PDE8B: variants seen among roughly 807,000 people sequenced by gnomAD.
PDE8B encodes phosphodiesterase 8B.
A neutral mutation model predicts 101.3 loss-of-function variants in PDE8B; 26 were observed. The ratio of observed to expected loss-of-function variants is 0.26; its 90% CI spans 0.19 to 0.36. The LOEUF is 0.36. PDE8B is among the 10% of genes least tolerant of loss of function. The pLI is 1.00. For missense variants in PDE8B, 810 were observed against 1,163.1 expected, an observed-to-expected ratio of 0.70 and a Z score of 4.42; for synonymous variants, 424 against 429.3, an observed-to-expected ratio of 0.99 and a Z score of 0.15.
chr5:77,087,805 A>G, the PDE8B span: 1 of 152,390 alleles, frequency 6.6e-6, no homozygotes, highest in Non-Finnish European at 1.5e-5. Flanking sequence ...GGAAGTCCAG[A>G]TATGTAGTGT....
At chr5:77,300,948 A>G (rs1769786425) in intron 1 of PDE8B, among the ~76,000 whole-genome samples, 1 of 152,184 alleles carries the variant, frequency 6.6e-6, no homozygotes, top group Non-Finnish European at 1.5e-5. Context: ...TGCATGGGCT[A>G]CTTACTTTTA....
intron 1 of PDE8B, among the ~76,000 whole-genome samples, chr5:77,220,650 A>T (rs753339961): frequency 6.0e-4 from 92 of 152,380 alleles, no homozygotes; most frequent in Non-Finnish European, 1.1e-3. Context: ...CCCATTATGT[A>T]GCTGGAATAT....
chr5:77,301,727 A>G (rs969616971), intron 1 of PDE8B, among the ~76,000 whole-genome samples: 1 of 152,238 alleles, frequency 6.6e-6, no homozygotes, highest in Non-Finnish European at 1.5e-5. Context: ...CAGACCCTGC[A>G]TGATCTTTGG....
At chr5:77,273,556 G>A (rs758675722) in intron 1 of PDE8B, among the ~76,000 whole-genome samples, 3 of 152,180 alleles carry the variant, frequency 2.0e-5, no homozygotes, top group Non-Finnish European at 2.9e-5. Context: ...GTGAGATGCT[G>A]TAAGAGAGGC....
chr5:77,209,492 T>A (rs1747816409), upstream of PDE8B, among the ~76,000 whole-genome samples: 1 of 152,220 alleles, frequency 6.6e-6, no homozygotes, highest in Non-Finnish European at 1.5e-5. Flanking sequence ...ACCATCTAAT[T>A]TATCTCCCCG....
At chr5:77,347,994 G>A (rs184087308) in intron 7 of PDE8B, among the ~76,000 whole-genome samples, 14 of 152,070 alleles carry the variant, frequency 9.2e-5, no homozygotes, top group African/African-American at 2.4e-5. Flanking sequence ...CCAGGAGGGG[G>A]TCTGGAGATC....
At chr5:77,367,617 G>A (rs1409351467) in intron 10 of PDE8B, among the ~76,000 whole-genome samples, 12 of 144,336 alleles carry the variant, frequency 8.3e-5, no homozygotes, top group Non-Finnish European at 1.6e-4. Context: ...TGCAACCTCC[G>A]ACTCCCGGGT....
At chr5:77,353,938 A>G (rs1781621062) in intron 10 of PDE8B, among the ~76,000 whole-genome samples, 1 of 152,112 alleles carries the variant, frequency 6.6e-6, no homozygotes, top group African/African-American at 2.4e-5. Flanking sequence ...TGGTGTAGGT[A>G]TTTTTTCTAT....
chr5:77,201,598 G>A, the PDE8B span, among the ~76,000 whole-genome samples: 1 of 152,144 alleles, frequency 6.6e-6, no homozygotes, highest in Non-Finnish European at 1.5e-5. Context: ...TCTCCTGGAA[G>A]TGCTCCCCAA....
chr5:77,149,763 TG>T, the PDE8B span, among the ~76,000 whole-genome samples: 11 of 152,210 alleles, frequency 7.2e-5, no homozygotes, highest in African/African-American at 2.7e-4. Context: ...ATAGATTCCT[TG>T]GTGTTTTCTA....
chr5:77,187,884 G>C, the PDE8B span, among the ~76,000 whole-genome samples: 2 of 152,220 alleles, frequency 1.3e-5, no homozygotes, highest in African/African-American at 4.8e-5. Context: ...TACTCCTTTT[G>C]AGTGAAACTT....
chr5:77,366,552 A>G (rs1784186270), intron 10 of PDE8B, among the ~76,000 whole-genome samples: 1 of 152,138 alleles, frequency 6.6e-6, no homozygotes, highest in Admixed American at 6.5e-5. Context: ...CCACTGCTCC[A>G]CTGCTGTCAG....
intron 5 of PDE8B, among the ~76,000 whole-genome samples, chr5:77,334,851 A>G (rs771678850): frequency 1.3e-5 from 2 of 152,202 alleles, no homozygotes; most frequent in Non-Finnish European, 2.9e-5. Flanking sequence ...CTATTAATAC[A>G]TGGTCCATGA....
chr5:77,134,923 T>G, the PDE8B span, among the ~76,000 whole-genome samples: 2 of 152,170 alleles, frequency 1.3e-5, no homozygotes, highest in Non-Finnish European at 2.9e-5. Flanking sequence ...GGAAAAGAAA[T>G]GGACTGTGGC....
the PDE8B span, among the ~76,000 whole-genome samples, chr5:77,202,779 C>T: frequency 1.3e-5 from 2 of 152,078 alleles, no homozygotes; most frequent in African/African-American, 4.8e-5. Flanking sequence ...GCCACCATGC[C>T]TGGCTAATTT....
At chr5:77,426,207 A>T (rs1798094980) in intron 21 of PDE8B, 2 of 598,116 alleles carry the variant, frequency 3.3e-6, no homozygotes, top group East Asian at 5.7e-5. Flanking sequence ...AAGAATGCAA[A>T]ATGTATTTAG....
chr5:77,169,837 C>T, the PDE8B span, among the ~76,000 whole-genome samples: 22 of 152,086 alleles, frequency 1.4e-4, no homozygotes, highest in Non-Finnish European at 2.9e-4. Context: ...CAAACTGTGC[C>T]GACCCTGTGG....
rs1798299520 is a variant in PDE8B at position 77,427,198 on chromosome 5, G to A, written c.*644G>A. 1 of 152,874 alleles carries A rather than the reference G, an allele frequency of 6.5e-6. No individual in the cohort carries two copies. Among genetic ancestry groups the A allele is most frequent in the African/African-American group, 2.4e-5 (1 of 41,384 alleles). The allele number at this position is 152,874 out of a possible 1,614,324, so 9.5% of individuals were successfully genotyped here. Reference sequence around the variant, plus strand: ...GGCTGGTGGGTGCCCTCTCTAGACTGGTATCAGCAGCCTGTGTAACCCCTT... The same window carrying A: ...GGCTGGTGGGTGCCCTCTCTAGACTAGTATCAGCAGCCTGTGTAACCCCTT... On this transcript the variant is annotated 3_prime_UTR_variant, in exon 22 of 22. Coordinates refer to ENST00000264917, the MANE Select transcript of PDE8B (RefSeq NM_003719.5).
the PDE8B span, among the ~76,000 whole-genome samples, chr5:77,176,467 A>C: frequency 3.9e-4 from 60 of 152,234 alleles, no homozygotes; most frequent in African/African-American, 1.3e-3. Flanking sequence ...AGGACATTTC[A>C]AGCCCTGTCA....
Sources: gnomAD v4.1 joint callset for allele counts (sites outside exome capture counted in the v4.1 genomes callset) on GRCh38, gnomAD v4.1.1 for gene constraint, MANE v1.5 for transcripts, NCBI Gene and HGNC (gene_info 2026-07-23, HGNC 2026-07-21) for gene names.